ING1: variants seen among roughly 807,000 people sequenced by gnomAD.
The protein encoded by ING1 is inhibitor of growth protein 1.
ING1 carries 4 observed loss-of-function variants against 23.1 expected under a neutral mutation model. That is an observed-to-expected ratio of 0.17 (90% confidence interval 0.09 to 0.40). The LOEUF (loss-of-function observed/expected upper bound fraction) is 0.40, where lower values mean the gene tolerates loss of function less well. ING1 is among the 10% of genes least tolerant of loss of function. The pLI, the probability that ING1 is intolerant of heterozygous loss-of-function variation, is 1.00. For missense variants in ING1, 256 were observed against 393.8 expected (o/e 0.65, Z 2.96); for synonymous variants, 179 against 166.4 (o/e 1.08, Z -0.58).
chr13:110,714,973 A>G (rs761354594), intron 1 of ING1: 68 of 987,690 alleles, frequency 6.9e-5, no homozygotes, highest in Non-Finnish European at 7.8e-5. Flanking sequence ...AAGGGAAGGG[A>G]AGGGGAGGAG....
chr13:110,713,290 A>G (rs987487650), upstream of ING1: 45 of 1,276,702 alleles, frequency 3.5e-5, 1 homozygote, highest in South Asian at 1.3e-4. Context: ...GAGTTGCGGT[A>G]GTTGCTGTGT....
upstream of ING1, chr13:110,713,025 G>A (rs941338762): frequency 6.0e-6 from 9 of 1,497,406 alleles, no homozygotes; most frequent in Non-Finnish European, 7.1e-6. Flanking sequence ...GACACCGAGA[G>A]GGTGCCAGTG....
chr13:110,718,057 TA>T, intron 1 of ING1, among the ~76,000 whole-genome samples: 1 of 152,226 alleles, frequency 6.6e-6, no homozygotes, highest in Admixed American at 6.5e-5. Flanking sequence ...AATTACACTT[TA>T]AAATCATATA....
rs2064174691 is a variant in ING1 at position 110,721,937 on chromosome 13, GTC to G, written c.*2009_*2010del. On this transcript the variant is annotated 3_prime_UTR_variant, in exon 2 of 2. Transcript: ENST00000333219. The stretch of plus-strand genomic sequence containing the variant: ...GTTTCTTTCCATGATCTGTTTCACA[GTC>G]TCTGTGAAGCTACCTACCACAAAGA... The G allele has an allele frequency of 6.6e-6, 1 of 152,190 alleles. No individual in the cohort carries two copies. Among genetic ancestry groups the G allele is most frequent in the African/African-American group, 2.4e-5 (1 of 41,436 alleles). The allele number at this position is 152,190 out of a possible 1,614,324, so 9.4% of individuals were successfully genotyped here.
At chr13:110,712,851 G>T (rs1426439510), upstream of ING1, 32 of 1,133,884 alleles carry the variant, frequency 2.8e-5, no homozygotes, top group Non-Finnish European at 2.7e-5. Context: ...TTCCCTCTCA[G>T]GCCCCTTTGT....
intron 1 of ING1, chr13:110,715,040 TGGCTTGGAGA>T: frequency 1.0e-6 from 1 of 999,576 alleles, no homozygotes; most frequent in Non-Finnish European, 1.2e-6. Flanking sequence ...GGCAGATCGC[TGGCTTGGAGA>T]GGACTGTGGC....
rs761159633 is a variant in ING1, at chr13:110,719,781, A to C, written c.689A>C (p.Glu230Ala). The C allele has an allele frequency of 5.0e-6, 8 of 1,613,952 alleles. No individual in the cohort carries two copies. Among genetic ancestry groups the C allele is most frequent in the Non-Finnish European group, 6.8e-6 (8 of 1,180,026 alleles). The change falls in exon 2 of 2, where the codon GAG (glutamate) becomes GCG (alanine). Residue 230 changes from glutamate (E) to alanine (A), a missense_variant. Around this residue, in one of 3 missense-constraint regions of ING1, gnomAD observed 25 missense variants for 95.8 expected, o/e 0.26. Coordinates refer to ENST00000333219, the MANE Select transcript of ING1 (RefSeq NM_198219.3). The surrounding 1 kb of genome is among the most constrained non-coding windows in gnomAD (Gnocchi z 8.9). ...GAGATGATCGGCTGCGACAACGACG[A>C]GTGCCCCATCGAGTGGTTCCACTTC... The part of the protein sequence containing the change: ...YGEMIGCDND[E>A]CPIEWFHFSC...
upstream of ING1, chr13:110,713,396 C>G (rs1594449527): frequency 2.9e-6 from 3 of 1,030,740 alleles, no homozygotes; most frequent in Non-Finnish European, 3.5e-6. Context: ...AGCGGGCGTG[C>G]TGTGCCGCCC....
chr13:110,715,054 C>T (rs771140855), intron 1 of ING1: 8 of 1,005,382 alleles, frequency 8.0e-6, no homozygotes, highest in Non-Finnish European at 9.5e-6. Flanking sequence ...TTGGAGAGGA[C>T]TGTGGCAGGT....
At chr13:110,713,631 A>C (rs1279950245), upstream of ING1, 1 of 981,990 alleles carries the variant, frequency 1.0e-6, no homozygotes, top group Non-Finnish European at 1.2e-6. Context: ...TTGCCGGGGG[A>C]GGGGGCCGGG....
chr13:110,713,034 T>C (rs1333277617), upstream of ING1: 7 of 1,483,700 alleles, frequency 4.7e-6, no homozygotes, highest in Non-Finnish European at 6.3e-6. Context: ...AGGGTGCCAG[T>C]GCGCATGCGC....
In ING1 at chr13:110,719,995, C is replaced by T. The variant is rs2064158874; in HGVS notation, c.*63C>T. 2 of 1,228,694 alleles carry T rather than the reference C, an allele frequency of 1.6e-6. No individual in the cohort carries two copies. The highest frequency in any genetic ancestry group is 2.9e-5 in the Admixed American group (1 of 35,056). The allele number at this position is 1,228,694 out of a possible 1,614,324, so 76.1% of individuals were successfully genotyped here. A position where few individuals can be genotyped will look rare whatever the true frequency, so the allele number is the denominator to read the frequency against. On this transcript the variant is annotated 3_prime_UTR_variant, in exon 2 of 2. Coordinates refer to ENST00000333219, the MANE Select transcript of ING1 (RefSeq NM_198219.3). The surrounding 1 kb of genome is among the most constrained non-coding windows in gnomAD (Gnocchi z 8.9). ...AACCGTGTATTTATTACATTGCTGC[C>T]TTTGTTGAGGTGCAAGGAGTGTAAA...
Position 110,715,490 on chromosome 13 carries a change from T to C in ING1, c.136+1205T>C, listed in dbSNP as rs914248581. 26 of 1,613,112 alleles carry C rather than the reference T, an allele frequency of 1.6e-5. No individual in the cohort carries two copies. The highest frequency in any genetic ancestry group is 3.3e-5 in the South Asian group (3 of 90,968). ...TATCATTCCCCTGCGGAACGATTGG[T>C]CGCTGAGGCGGATGAAGGCGGGCCT... On this transcript the variant is annotated intron_variant, in intron 1 of 1. Coordinates refer to ENST00000333219, the MANE Select transcript of ING1 (RefSeq NM_198219.3).
At chr13:110,715,705 T>A in intron 1 of ING1, 1 of 1,593,676 alleles carries the variant, frequency 6.3e-7, no homozygotes, top group Non-Finnish European at 8.5e-7. Flanking sequence ...GTTCTCCTCC[T>A]GGCCTCCGCC....
chr13:110,721,817 C>T lies in ING1; in HGVS notation c.*1885C>T, dbSNP rs369772767. The T allele has an allele frequency of 6.6e-6, 1 of 152,086 alleles. No homozygotes were observed. Among genetic ancestry groups the T allele is most frequent in the African/African-American group, 2.4e-5 (1 of 41,392 alleles). 9.4% of individuals were successfully genotyped at this position (152,086 alleles called of 1,614,324 possible). On this transcript the variant is annotated 3_prime_UTR_variant, in exon 2 of 2. Transcript: ENST00000333219. ...TCTCGAGCTCTTGACCATGATCCGC[C>T]CACCTCGGCCTCCCACAGTGCTGGG...
upstream of ING1, chr13:110,713,568 G>A (rs1400112544): frequency 1.3e-5 from 13 of 985,960 alleles, no homozygotes; most frequent in Non-Finnish European, 1.6e-5. Flanking sequence ...GGAGCCCGCA[G>A]CCCCCAGGGC....
chr13:110,720,491 C>T lies in ING1; in HGVS notation c.*559C>T, dbSNP rs1350495497. 1 of 167,082 alleles carries T rather than the reference C, an allele frequency of 6.0e-6. No homozygotes were observed. Among genetic ancestry groups the T allele is most frequent in the Non-Finnish European group, 1.5e-5 (1 of 68,126 alleles). The allele number at this position is 167,082 out of a possible 1,614,324, so 10.3% of individuals were successfully genotyped here. ...ATCTATTGGCCTGTTCCCCAAATGGCCATTTTAAAATGCTTGGGTACACTT... is the reference window on the plus strand; with the variant it reads ...ATCTATTGGCCTGTTCCCCAAATGGTCATTTTAAAATGCTTGGGTACACTT... On this transcript the variant is annotated 3_prime_UTR_variant, in exon 2 of 2. Transcript: ENST00000333219.
In ING1 at chr13:110,713,757, C is replaced by T; in HGVS notation, c.-393C>T. The stretch of plus-strand genomic sequence containing the variant: ...GGCCAGCGGAGCGCGCCCCTTCCCG[C>T]TGCCCGCTCCGCTCCTCTCTTCTAC... On this transcript the variant is annotated 5_prime_UTR_variant, in exon 1 of 2. Coordinates refer to ENST00000333219, the MANE Select transcript of ING1 (RefSeq NM_198219.3). 2 of 985,174 alleles carry T rather than the reference C, an allele frequency of 2.0e-6. No homozygotes were observed. Among genetic ancestry groups the T allele is most frequent in the Non-Finnish European group, 2.4e-6 (2 of 829,878 alleles). The allele number at this position is 985,174 out of a possible 1,614,324, so 61.0% of individuals were successfully genotyped here.
intron 1 of ING1, among the ~76,000 whole-genome samples, chr13:110,714,656 G>A (rs890916723): frequency 6.6e-6 from 1 of 152,200 alleles, no homozygotes; most frequent in Non-Finnish European, 1.5e-5. Flanking sequence ...GGCGCCTGGG[G>A]CTATAGGGCG....
Sources: allele counts gnomAD v4.1 joint callset (sites outside exome capture counted in the v4.1 genomes callset), GRCh38; gene constraint gnomAD v4.1.1; regional missense constraint gnomAD v4.1.1; non-coding constraint Gnocchi (gnomAD v3.1); transcripts MANE v1.5; gene names NCBI Gene and HGNC (gene_info 2026-07-23, HGNC 2026-07-21).